LMO7: variants seen among roughly 807,000 people sequenced by gnomAD.
LMO7 encodes the protein LIM domain 7.
Under a neutral mutation model 206.5 loss-of-function variants are expected in LMO7, and 120 were observed. The ratio of observed to expected loss-of-function variants is 0.58; its 90% CI spans 0.50 to 0.68. The LOEUF is 0.68. LMO7 is among the 30% of genes least tolerant of loss of function. LMO7 has a pLI of 0.00. For synonymous variants in LMO7, 706 were observed against 681.5 expected, an observed-to-expected ratio of 1.04 and a Z score of -0.56; for missense variants, 1,959 against 1,957.9, an observed-to-expected ratio of 1.00 and a Z score of -0.01.
At position 75,817,798 on chromosome 13, in the gene LMO7, A is replaced by C. The variant is rs535936357; in HGVS notation, c.2064+520A>C. 5.3e-4 allele frequency among the ~76,000 whole-genome samples: 80 copies of C among 152,270 alleles called. 1 individual carries two copies. Among genetic ancestry groups the C allele is most frequent in the African/African-American group, 1.7e-3 (72 of 41,554 alleles). ...AAGTCAATAATATGAACCAAAATGA[A>C]ATGTTTTTGCAGAGTTGACATATAT... On this transcript the variant is annotated intron_variant, in intron 12 of 30. Coordinates refer to ENST00000377534, the MANE Select transcript of LMO7 (RefSeq NM_001306080.2).
chr13:75,783,732 C>T (rs960971301), intron 4 of LMO7, among the ~76,000 whole-genome samples: 2 of 152,180 alleles, frequency 1.3e-5, no homozygotes, highest in Non-Finnish European at 1.5e-5. Flanking sequence ...AATTGTAATT[C>T]TTCCTGCATT....
chr13:75,676,869 C>T (rs998173702), intron 1 of LMO7, among the ~76,000 whole-genome samples: 2 of 152,158 alleles, frequency 1.3e-5, no homozygotes, highest in African/African-American at 2.4e-5. Context: ...GGCTTTTTAC[C>T]TATCGAATGT....
At chr13:75,780,508 G>A (rs775126669) in intron 4 of LMO7, among the ~76,000 whole-genome samples, 9 of 152,130 alleles carry the variant, frequency 5.9e-5, no homozygotes, top group Non-Finnish European at 8.8e-5. Context: ...CCTGAACATC[G>A]CTGTTATCCT....
At chr13:75,663,382 T>C (rs1164490206) in intron 1 of LMO7, among the ~76,000 whole-genome samples, 2 of 150,444 alleles carry the variant, frequency 1.3e-5, no homozygotes, top group East Asian at 3.9e-4. Context: ...GAAAGGTGAA[T>C]GTAAGAAGTA....
In LMO7 at chr13:75,760,931, G is replaced by A. The variant is rs2048148516; in HGVS notation, c.211-1G>A. 2 of 1,613,112 alleles carry A rather than the reference G, an allele frequency of 1.2e-6. No homozygotes were observed. Among genetic ancestry groups the A allele is most frequent in the East Asian group, 2.2e-5 (1 of 44,858 alleles). Reference sequence around the variant, plus strand: ...CAATCACTTTCCACTTCTTTTCACAGGATAATATAAACGTTTTCTTGAAAG... The same window carrying A: ...CAATCACTTTCCACTTCTTTTCACAAGATAATATAAACGTTTTCTTGAAAG... On this transcript the variant is annotated splice_acceptor_variant, in intron 3 of 30. Coordinates refer to ENST00000377534, the MANE Select transcript of LMO7 (RefSeq NM_001306080.2). LOFTEE classifies it high-confidence loss of function.
chr13:75,680,583 T>A (rs191439919), intron 1 of LMO7, among the ~76,000 whole-genome samples: 69 of 151,964 alleles, frequency 4.5e-4, no homozygotes, highest in Admixed American at 7.9e-4. Flanking sequence ...TTTTTTTTTT[T>A]AATTTTACTT....
chr13:75,711,690 T>G (rs1184490733), intron 1 of LMO7, among the ~76,000 whole-genome samples: 1 of 152,246 alleles, frequency 6.6e-6, no homozygotes, highest in Non-Finnish European at 1.5e-5. Context: ...ATCACCCGTC[T>G]TCTGCGTCGC....
At chr13:75,737,122 G>T (rs925344230) in intron 3 of LMO7, among the ~76,000 whole-genome samples, 8 of 152,196 alleles carry the variant, frequency 5.3e-5, no homozygotes, top group South Asian at 4.1e-4. Flanking sequence ...CTCATACTGG[G>T]GTAAGGAGGG....
intron 3 of LMO7, among the ~76,000 whole-genome samples, chr13:75,744,159 C>T (rs2046642503): frequency 6.6e-6 from 1 of 152,128 alleles, no homozygotes; most frequent in Admixed American, 6.5e-5. Flanking sequence ...CCTTGTCTGC[C>T]TCTATCTCTT....
rs374266925 is a variant in LMO7, at chr13:75,737,752, C to CAA, written c.210+10667_210+10668dup. On this transcript the variant is annotated intron_variant, in intron 3 of 30. Transcript: ENST00000377534. ...TGGGCGACAGAGCGAGACTCCGTCT[C>CAA]AAAAAAAAAAAAAATAAAATAAAAT... Among the ~76,000 whole-genome samples, 328 of 35,360 alleles carry CAA rather than the reference C, an allele frequency of 9.3e-3. 24 individuals carry two copies. Among genetic ancestry groups the CAA allele is most frequent in the African/African-American group, 0.036 (301 of 8,284 alleles). The allele number at this position is 35,360 out of a possible 152,430, so 23.2% of individuals were successfully genotyped here.
chr13:75,817,993 G>C (rs967435472), intron 12 of LMO7, among the ~76,000 whole-genome samples: 1 of 152,166 alleles, frequency 6.6e-6, no homozygotes, highest in East Asian at 1.9e-4. Flanking sequence ...TTTATGGTAA[G>C]AGTTGAGCAA....
rs752759148 is a variant in LMO7 at position 75,636,684 on chromosome 13, C to T, written c.27C>T (p.Ala9=). 1.2e-6 allele frequency: 2 copies of T among 1,609,586 alleles called. No individual in the cohort carries two copies. Among genetic ancestry groups the T allele is most frequent in the East Asian group, 2.2e-5 (1 of 44,776 alleles). MEGLEEAE[A]NCSVAFAEAQ... Reference sequence around the variant, plus strand: ...TGGAAGGGCTGGAGGAGGCAGAGGCCAACTGCTCCGTGGCGTTCGCTGAGG... The same window carrying T: ...TGGAAGGGCTGGAGGAGGCAGAGGCTAACTGCTCCGTGGCGTTCGCTGAGG... Residue 9 remains alanine (A), a synonymous_variant, in exon 1 of 31, where the codon GCC becomes GCT. Transcript: ENST00000377534.
exon 1 of LMO7, chr13:75,621,811 C>T (rs775657266): frequency 6.2e-7 from 1 of 1,611,894 alleles, no homozygotes. Flanking sequence ...GATATGTGCT[C>T]ATGTCTGCAT....
intron 28 of LMO7, among the ~76,000 whole-genome samples, chr13:75,853,854 C>A (rs1264608498): frequency 6.6e-6 from 1 of 152,202 alleles, no homozygotes; most frequent in South Asian, 2.1e-4. Context: ...TCCGGGCATG[C>A]TCCATCGTCT....
chr13:75,825,199 A>T (rs923154265), intron 15 of LMO7, among the ~76,000 whole-genome samples: 4 of 149,948 alleles, frequency 2.7e-5, no homozygotes, highest in African/African-American at 1.0e-4. Flanking sequence ...TATAATTAAC[A>T]TGCTAAGTCT....
intron 5 of LMO7, 66 bp downstream of exon 5, chr13:75,795,497 A>G (rs1260188069): frequency 8.8e-7 from 1 of 1,134,230 alleles, no homozygotes; most frequent in Non-Finnish European, 1.3e-6. Flanking sequence ...GTAAGAAGGC[A>G]GTGAATCTAA....
At chr13:75,842,399 T>C (rs1001705956) in intron 24 of LMO7, among the ~76,000 whole-genome samples, 3 of 152,152 alleles carry the variant, frequency 2.0e-5, no homozygotes, top group Non-Finnish European at 2.9e-5. Context: ...CATTTTCTTC[T>C]AGTTTCTGCT....
intron 1 of LMO7, among the ~76,000 whole-genome samples, chr13:75,646,071 C>CT (rs1447101837): frequency 2.0e-5 from 3 of 152,188 alleles, no homozygotes; most frequent in Admixed American, 2.0e-4. Flanking sequence ...AGTACTACCC[C>CT]TTTCCCACCC....
chr13:75,795,411 AC>A lies in LMO7; in HGVS notation c.329del (p.Thr110MetfsTer5). 3.8e-6 allele frequency: 6 copies of A among 1,589,594 alleles called. No homozygotes were observed. Among genetic ancestry groups the A allele is most frequent in the Non-Finnish European group, 5.2e-6 (6 of 1,162,328 alleles). ...SNRVTVKQEE[T>X]DRRVKNVLIT... ...TTTCTTTCTTTACAGGCAAGAAGAG[AC>A]TGACAGGAGAGTGAAAAATGTAAGA... On this transcript the variant is annotated frameshift_variant, in exon 5 of 31. Transcript: ENST00000377534. LOFTEE classifies it high-confidence loss of function.
Sources: gnomAD v4.1 joint callset for allele counts (sites outside exome capture counted in the v4.1 genomes callset) on GRCh38, gnomAD v4.1.1 for gene constraint, MANE v1.5 for transcripts, NCBI Gene and HGNC (gene_info 2026-07-23, HGNC 2026-07-21) for gene names.